The following MED16 variants were observed in gnomAD, a reference collection of about 807,000 sequenced individuals.
MED16 encodes mediator of RNA polymerase II transcription subunit 16.
MED16 carries 81 observed loss-of-function variants against 84.4 expected under a neutral mutation model. That is an observed-to-expected ratio of 0.96 (90% confidence interval 0.80 to 1.15). MED16 has a LOEUF of 1.15. Among genes scored for constraint, MED16 ranks in the 50% most tolerant of loss-of-function variants. MED16 has a pLI of 0.00. For missense variants in MED16, 1,585 were observed against 1,245.9 expected (o/e 1.27, Z -4.10); for synonymous variants, 897 against 552.2 (o/e 1.62, Z -8.76).
intron 2 of MED16, chr19:890,527 T>G: frequency 2.6e-6 from 1 of 389,032 alleles, no homozygotes; most frequent in Non-Finnish European, 4.6e-6. Flanking sequence ...GTGGCTTTTT[T>G]GCACCCCGAT....
At position 879,966 on chromosome 19, in the gene MED16, C is replaced by T. The variant is rs375553045; in HGVS notation, c.1324G>A (p.Ala442Thr). The change falls in exon 8 of 16, where the codon GCC (alanine) becomes ACC (threonine). Residue 442 changes from alanine to threonine, a missense_variant. Transcript: ENST00000325464. Reference sequence around the variant, plus strand: ...CCGTGGCTGTCAATCCCCACCAGGGCCAGTGACGTCCACGATAGCTGCATA... The same window carrying T: ...CCGTGGCTGTCAATCCCCACCAGGGTCAGTGACGTCCACGATAGCTGCATA... ...KAMQLSWTSL[A>T]LVGIDSHGKL... is the part of the protein sequence containing the mutation. 1.2e-5 allele frequency: 20 copies of T among 1,606,500 alleles called. No homozygotes were observed. Among genetic ancestry groups the T allele is most frequent in the Admixed American group, 5.1e-5 (3 of 58,762 alleles).
chr19:873,293 G>C (rs1436573056), intron 11 of MED16, among the ~76,000 whole-genome samples, 156 bp downstream of exon 11: 1 of 134,678 alleles, frequency 7.4e-6, no homozygotes, highest in Non-Finnish European at 1.5e-5. Flanking sequence ...CCAAGCAGGG[G>C]CGGGACTCCA....
intron 9 of MED16, 64 bp from the exon 10 acceptor site, chr19:875,518 TGAG>T (rs376982904): frequency 3.2e-4 from 433 of 1,356,158 alleles, no homozygotes; most frequent in East Asian, 2.4e-3. Context: ...AGGCTCCAGC[TGAG>T]GAGAAGAGCA....
chr19:868,522 C>G lies in MED16; in HGVS notation c.2400-23G>C, dbSNP rs202162390. The G allele has an allele frequency of 3.2e-5, 52 of 1,605,970 alleles. No homozygotes were observed. In the African/African-American group the frequency reaches 6.1e-4, roughly 19 times the overall value. ...CACCTGCGGGGAGGCAGGCACTGAG[C>G]GGGTTCCCACTTCCAGGCGGGCCTC... On this transcript the variant is annotated intron_variant, in intron 14 of 15. Coordinates refer to ENST00000325464, the MANE Select transcript of MED16 (RefSeq NM_005481.3).
Position 868,076 on chromosome 19 carries a change from C to T in MED16, c.*25G>A. 1 of 1,585,206 alleles carries T rather than the reference C, an allele frequency of 6.3e-7. No homozygotes were observed. The highest frequency in any genetic ancestry group is 8.5e-7 in the Non-Finnish European group (1 of 1,170,228). On this transcript the variant is annotated 3_prime_UTR_variant, in exon 16 of 16. Coordinates refer to ENST00000325464, the MANE Select transcript of MED16 (RefSeq NM_005481.3). ...AGGAGACGCCCGAGCCGGGTCACCA[C>T]AAGGTCCGCCTGGACCCCCGGCCGT... is the stretch of plus-strand genomic sequence containing the variant.
At chr19:891,532 C>T (rs931329241) in intron 1 of MED16, among the ~76,000 whole-genome samples, 7 of 152,102 alleles carry the variant, frequency 4.6e-5, no homozygotes, top group African/African-American at 1.4e-4. Context: ...AGCTCTCTCC[C>T]GAAGGAAGAG....
In MED16 at chr19:888,788, A is replaced by C. The variant is rs555807676; in HGVS notation, c.447+850T>G. On this transcript the variant is annotated intron_variant, in intron 4 of 15. Transcript: ENST00000325464. ...GCGTGTACTGCGGCAATGCGCCGAC[A>C]ATGGCAGTCCCTGGGGAGGGACTCA... 2.0e-5 allele frequency among the ~76,000 whole-genome samples: 3 copies of C among 152,316 alleles called. No homozygotes were observed. In the South Asian group the frequency reaches 6.2e-4, roughly 32 times the overall value.
intron 11 of MED16, 77 bp downstream of exon 11, chr19:873,372 C>T: frequency 7.2e-7 from 1 of 1,383,008 alleles, no homozygotes; most frequent in Non-Finnish European, 9.5e-7. Flanking sequence ...TTTTGAGGGG[C>T]AGGGGCAGGG....
chr19:870,045 T>A (rs1205847248), intron 13 of MED16, among the ~76,000 whole-genome samples: 1 of 151,996 alleles, frequency 6.6e-6, no homozygotes, highest in Admixed American at 6.6e-5. Flanking sequence ...CCCCGCACAT[T>A]CCAGAGAAAG....
At chr19:874,165 G>A (rs368906339) in intron 10 of MED16, among the ~76,000 whole-genome samples, 1 of 152,062 alleles carries the variant, frequency 6.6e-6, no homozygotes, top group Non-Finnish European at 1.5e-5. Context: ...CCAGGCTGGA[G>A]TGCAGTGGGG....
At chr19:868,293 G>C in intron 15 of MED16, 42 bp from the exon 16 acceptor site, 1 of 1,587,516 alleles carries the variant, frequency 6.3e-7, no homozygotes, top group Non-Finnish European at 8.5e-7. Context: ...GGAGAGTCCA[G>C]GGCGAGCGGT....
intron 2 of MED16, 69 bp from the exon 3 acceptor site, chr19:890,313 C>A (rs1332108420): frequency 1.1e-5 from 12 of 1,127,832 alleles, no homozygotes; most frequent in Non-Finnish European, 1.4e-5. Context: ...TGACTCCAGG[C>A]AGGCTCCAGG....
chr19:872,298 G>A (rs1345655088), intron 11 of MED16, among the ~76,000 whole-genome samples, 180 bp from the exon 12 acceptor site: 2 of 151,988 alleles, frequency 1.3e-5, no homozygotes, highest in Non-Finnish European at 2.9e-5. Context: ...ACGCTGCTCA[G>A]AGCCCTGCAG....
intron 13 of MED16, among the ~76,000 whole-genome samples, chr19:870,512 GACGGC>G (rs1428871219): frequency 6.7e-6 from 1 of 149,628 alleles, no homozygotes; most frequent in African/African-American, 2.5e-5. Context: ...AGTGGGCCAA[GACGGC>G]ACTACTGCAC....
At chr19:871,352 T>G in intron 12 of MED16, 99 bp from the exon 13 acceptor site, 3 of 1,377,524 alleles carry the variant, frequency 2.2e-6, no homozygotes, top group Non-Finnish European at 2.9e-6. Flanking sequence ...GAGCACCAGG[T>G]CAGGGCCCCA....
chr19:870,999 A>T, intron 13 of MED16, 38 bp downstream of exon 13: 1 of 1,507,602 alleles, frequency 6.6e-7, no homozygotes, highest in South Asian at 1.2e-5. Flanking sequence ...CGGAGGAAGG[A>T]GTCCTGTGTT....
At chr19:883,653 CGAG>C (rs953640550) in intron 6 of MED16, among the ~76,000 whole-genome samples, 1 of 152,062 alleles carries the variant, frequency 6.6e-6, no homozygotes, top group African/African-American at 2.4e-5. Flanking sequence ...CTGCAGGAGA[CGAG>C]GAGGAGTGTC....
intron 12 of MED16, chr19:871,456 C>T (rs2145192698): frequency 2.8e-6 from 4 of 1,413,568 alleles, no homozygotes; most frequent in Non-Finnish European, 3.8e-6. Flanking sequence ...GAGTTCTCTC[C>T]CCGTCTCTGG....
chr19:891,877 G>C (rs1483597537), intron 1 of MED16, among the ~76,000 whole-genome samples: 38 of 132,886 alleles, frequency 2.9e-4, no homozygotes, highest in African/African-American at 1.1e-3. Context: ...TGTGGCCGAG[G>C]CGGGGGCTGA....
Sources: gnomAD v4.1 joint callset for allele counts (sites outside exome capture counted in the v4.1 genomes callset) on GRCh38, gnomAD v4.1.1 for gene constraint, MANE v1.5 for transcripts, NCBI Gene and HGNC (gene_info 2026-07-23, HGNC 2026-07-21) for gene names.